Variants in CSMD1 observed in about 807,000 individuals in gnomAD.
CSMD1 encodes CUB and Sushi multiple domains 1, also known as CUB and sushi domain-containing protein 1.
A neutral mutation model predicts 417.5 loss-of-function variants in CSMD1; 213 were observed. The ratio of observed to expected loss-of-function variants is 0.51; its 90% CI spans 0.46 to 0.57. CSMD1 has a LOEUF of 0.57. CSMD1 is among the 20% of genes least tolerant of loss of function. The pLI, the probability that CSMD1 is intolerant of heterozygous loss-of-function variation, is 0.00. For missense variants in CSMD1, 6,923 were observed against 4,529.7 expected, an observed-to-expected ratio of 1.53 and a Z score of -15.17; for synonymous variants, 2,862 against 1,736.8, an observed-to-expected ratio of 1.65 and a Z score of -16.11.
intron 22 of CSMD1, among the ~76,000 whole-genome samples, chr8:3,345,685 T>C (rs1290470248): frequency 1.3e-5 from 2 of 152,328 alleles, no homozygotes; most frequent in East Asian, 3.9e-4. Context: ...AGCCTGTAAG[T>C]ATCTGCACTA....
intron 1 of CSMD1, among the ~76,000 whole-genome samples, chr8:4,664,169 C>T (rs1268155123): frequency 1.3e-5 from 2 of 152,158 alleles, no homozygotes; most frequent in Non-Finnish European, 2.9e-5. Flanking sequence ...ACTCTCCCTG[C>T]GCATCTCAAA....
intron 3 of CSMD1, among the ~76,000 whole-genome samples, chr8:4,374,928 T>C (rs575029486): frequency 4.0e-4 from 43 of 107,520 alleles, no homozygotes; most frequent in African/African-American, 1.6e-3. Flanking sequence ...ATCAGAGTCT[T>C]AGAAAACAAT....
chr8:4,420,602 A>G (rs1277174861), intron 2 of CSMD1, among the ~76,000 whole-genome samples: 3 of 152,156 alleles, frequency 2.0e-5, no homozygotes, highest in Admixed American at 6.6e-5. Flanking sequence ...GCACTCAAAC[A>G]TGAAAGTATT....
rs563369891 is a variant in CSMD1 at position 3,334,512 on chromosome 8, A to T, written c.3631+8782T>A. Among the ~76,000 whole-genome samples the T allele has an allele frequency of 1.4e-4, 21 of 152,288 alleles. No homozygotes were observed. The East Asian group carries it at 3.3e-3, about 24-fold the overall frequency. ...TAATAGTATATTTAATGTTGATGTC[A>T]TTTTTATTGTATCAATGTGTTAATA... On this transcript the variant is annotated intron_variant, in intron 23 of 69. Coordinates refer to ENST00000635120, the MANE Select transcript of CSMD1 (RefSeq NM_033225.6).
intron 2 of CSMD1, among the ~76,000 whole-genome samples, chr8:4,445,556 G>A (rs1798733243): frequency 6.6e-6 from 1 of 152,232 alleles, no homozygotes; most frequent in East Asian, 1.9e-4. Context: ...TGATAAAAAT[G>A]GCTTCAATGA....
At chr8:3,677,275 A>G (rs145460423) in intron 7 of CSMD1, among the ~76,000 whole-genome samples, 188 of 152,358 alleles carry the variant, frequency 1.2e-3, no homozygotes, top group Admixed American at 3.7e-3. Flanking sequence ...CTCTCCCAGG[A>G]AAGTTATGGT....
At chr8:4,194,409 A>G (rs1799213137) in intron 3 of CSMD1, among the ~76,000 whole-genome samples, 1 of 152,182 alleles carries the variant, frequency 6.6e-6, no homozygotes. Context: ...TGGACACTCC[A>G]AATAGCTTGT....
chr8:4,374,733 G>A (rs765547592), intron 3 of CSMD1, among the ~76,000 whole-genome samples: 19 of 152,164 alleles, frequency 1.2e-4, no homozygotes, highest in Non-Finnish European at 2.8e-4. Context: ...GACTAAGCAT[G>A]AGCAGCAGAG....
intron 3 of CSMD1, among the ~76,000 whole-genome samples, chr8:4,168,448 T>C (rs1003588511): frequency 1.3e-5 from 2 of 151,992 alleles, no homozygotes; most frequent in African/African-American, 4.8e-5. Flanking sequence ...AATATTGCAA[T>C]ATAACGTATT....
intron 21 of CSMD1, among the ~76,000 whole-genome samples, chr8:3,353,767 A>AT (rs3083120): frequency 6.6e-6 from 1 of 151,610 alleles, no homozygotes; most frequent in South Asian, 2.1e-4. Flanking sequence ...GAATGAACAC[A>AT]GTTTCTTAAT....
intron 1 of CSMD1, among the ~76,000 whole-genome samples, chr8:4,648,698 G>C (rs563614351): frequency 2.6e-5 from 4 of 152,210 alleles, no homozygotes; most frequent in Admixed American, 1.3e-4. Flanking sequence ...AACATTTACA[G>C]TTGTGCTTTT....
intron 2 of CSMD1, among the ~76,000 whole-genome samples, chr8:4,424,371 T>C (rs1225109533): frequency 1.3e-5 from 2 of 150,776 alleles, no homozygotes; most frequent in Non-Finnish European, 3.0e-5. Flanking sequence ...AATTAGAAAA[T>C]AGGCAACAAG....
intron 3 of CSMD1, among the ~76,000 whole-genome samples, chr8:4,162,016 T>G (rs535881220): frequency 1.2e-4 from 18 of 152,334 alleles, no homozygotes; most frequent in African/African-American, 3.6e-4. Context: ...ATTCTGTATT[T>G]GCCTTCGACT....
chr8:4,602,553 T>G (rs1298813699), intron 2 of CSMD1, among the ~76,000 whole-genome samples: 1 of 152,338 alleles, frequency 6.6e-6, no homozygotes, highest in South Asian at 2.1e-4. Context: ...TTATAGTCAT[T>G]GAGACAAGAT....
intron 11 of CSMD1, among the ~76,000 whole-genome samples, chr8:3,472,939 C>T (rs958978177): frequency 5.3e-5 from 8 of 151,876 alleles, no homozygotes; most frequent in African/African-American, 1.9e-4. Flanking sequence ...CCACTGTTTT[C>T]TCCCCATTTC....
chr8:4,004,735 T>C (rs1194711967), intron 4 of CSMD1, among the ~76,000 whole-genome samples: 1 of 152,032 alleles, frequency 6.6e-6, no homozygotes. Context: ...TATTATTCTT[T>C]ATTCTTTTTT....
intron 18 of CSMD1, among the ~76,000 whole-genome samples, chr8:3,372,196 G>C (rs997992112): frequency 2.0e-5 from 3 of 152,166 alleles, no homozygotes; most frequent in African/African-American, 7.2e-5. Flanking sequence ...AAGGACTTGA[G>C]AGAGACAAAG....
At chr8:4,724,043 ATTC>A (rs1354719336) in intron 1 of CSMD1, among the ~76,000 whole-genome samples, 1 of 152,108 alleles carries the variant, frequency 6.6e-6, no homozygotes, top group Non-Finnish European at 1.5e-5. Flanking sequence ...TCACTGAATG[ATTC>A]TTCTAGTACT....
intron 7 of CSMD1, among the ~76,000 whole-genome samples, chr8:3,663,371 G>C (rs1215160047): frequency 3.3e-5 from 5 of 152,046 alleles, no homozygotes; most frequent in Admixed American, 2.6e-4. Flanking sequence ...CTTTATAAAG[G>C]GGCACTTCTG....
Sources: allele counts gnomAD v4.1 joint callset (sites outside exome capture counted in the v4.1 genomes callset), GRCh38; gene constraint gnomAD v4.1.1; transcripts MANE v1.5; gene names NCBI Gene and HGNC (gene_info 2026-07-23, HGNC 2026-07-21).